The following METTL16 variants were observed in gnomAD, a reference collection of about 807,000 sequenced individuals.
The protein encoded by METTL16 is RNA N(6)-adenosine-methyltransferase METTL16.
In METTL16, 19 loss-of-function variants were observed where a neutral mutation model predicts 57.9. The ratio of observed to expected loss-of-function variants is 0.33; its 90% confidence interval spans 0.23 to 0.48. The LOEUF (loss-of-function observed/expected upper bound fraction) is 0.48. Ranked by LOEUF, METTL16 falls within the 20% of genes least tolerant of loss-of-function variation. METTL16 has a pLI of 0.99. For missense variants in METTL16, 434 were observed against 691.5 expected, an observed-to-expected ratio of 0.63 and a Z score of 4.18; for synonymous variants, 246 against 255.6, an observed-to-expected ratio of 0.96 and a Z score of 0.36.
At chr17:2,428,613 A>T (rs2066844072) in intron 8 of METTL16, among the ~76,000 whole-genome samples, 1 of 123,902 alleles carries the variant, frequency 8.1e-6, no homozygotes, top group African/African-American at 3.0e-5. Flanking sequence ...AAATTGTAAT[A>T]CAGCGGGGCA....
At chr17:2,487,003 C>CG (rs777261459) in intron 2 of METTL16, among the ~76,000 whole-genome samples, 9 of 57,426 alleles carry the variant, frequency 1.6e-4, no homozygotes, top group Non-Finnish European at 2.3e-4. Flanking sequence ...GATCCTGTCT[C>CG]AAAAAAAAAA....
chr17:2,445,761 G>C (rs2066990423), intron 6 of METTL16, among the ~76,000 whole-genome samples: 1 of 150,714 alleles, frequency 6.6e-6, no homozygotes, highest in Admixed American at 6.6e-5. Context: ...ACTCCAGCCT[G>C]GGCAACAGAG....
chr17:2,461,954 A>G (rs921745698), intron 6 of METTL16, among the ~76,000 whole-genome samples: 2 of 152,158 alleles, frequency 1.3e-5, no homozygotes, highest in African/African-American at 2.4e-5. Flanking sequence ...AATACCGTAT[A>G]GGAAAAAAAT....
intron 6 of METTL16, among the ~76,000 whole-genome samples, chr17:2,457,112 TCA>T (rs1292904800): frequency 6.7e-6 from 1 of 150,070 alleles, no homozygotes; most frequent in Non-Finnish European, 1.5e-5. Context: ...GGCGGGTGGA[TCA>T]CGAGGTCATG....
At chr17:2,438,501 TTTTTG>T (rs1157267370) in intron 7 of METTL16, among the ~76,000 whole-genome samples, 1 of 152,090 alleles carries the variant, frequency 6.6e-6, no homozygotes, top group Non-Finnish European at 1.5e-5. Flanking sequence ...CAAGTGAGTT[TTTTTG>T]TTTTTTGTTT....
chr17:2,440,366 A>G (rs1031584862), intron 7 of METTL16, among the ~76,000 whole-genome samples: 1 of 151,942 alleles, frequency 6.6e-6, no homozygotes, highest in Non-Finnish European at 1.5e-5. Context: ...CTCCTGCCTC[A>G]GCCTCCCCAG....
intron 2 of METTL16, among the ~76,000 whole-genome samples, chr17:2,500,425 C>G (rs2067478960): frequency 6.6e-6 from 1 of 152,024 alleles, no homozygotes; most frequent in African/African-American, 2.4e-5. Context: ...GGATTACAGG[C>G]TTGCGCCACC....
rs1159200087 is a variant in METTL16 at position 2,419,859 on chromosome 17, A to G, written c.*111T>C. On this transcript the variant is annotated 3_prime_UTR_variant, in exon 10 of 10. Coordinates refer to ENST00000263092, the MANE Select transcript of METTL16 (RefSeq NM_024086.4). ...GATTCATAGGTTTTTGTTTTCGAAGATAATTCCACATCGTGCTACTAATGG... is the reference window on the plus strand; with the variant it reads ...GATTCATAGGTTTTTGTTTTCGAAGGTAATTCCACATCGTGCTACTAATGG... 2.2e-6 allele frequency: 3 copies of G among 1,347,030 alleles called. No individual in the cohort carries two copies. The highest frequency in any genetic ancestry group is 2.9e-5 in the African/African-American group (2 of 68,884). The allele number at this position is 1,347,030 out of a possible 1,614,324, so 83.4% of individuals were successfully genotyped here. A position where few individuals can be genotyped will look rare whatever the true frequency, so the allele number is the denominator to read the frequency against.
chr17:2,484,746 G>T (rs901890274), intron 2 of METTL16, among the ~76,000 whole-genome samples: 1 of 151,996 alleles, frequency 6.6e-6, no homozygotes, highest in Admixed American at 6.6e-5. Flanking sequence ...TGCCTGCCTC[G>T]GCCTCCCAAA....
At chr17:2,480,763 C>CA (rs1243501323) in intron 2 of METTL16, among the ~76,000 whole-genome samples, 1 of 152,042 alleles carries the variant, frequency 6.6e-6, no homozygotes, top group Non-Finnish European at 1.5e-5. Context: ...GATTATAGAC[C>CA]ATAGAATAAA....
At chr17:2,461,305 G>A (rs1429700985) in intron 6 of METTL16, among the ~76,000 whole-genome samples, 1 of 152,230 alleles carries the variant, frequency 6.6e-6, no homozygotes, top group East Asian at 1.9e-4. Context: ...AGGCTGCAGT[G>A]AGCCAACATC....
chr17:2,432,263 A>G (rs1462981143), intron 8 of METTL16, among the ~76,000 whole-genome samples: 2 of 152,102 alleles, frequency 1.3e-5, no homozygotes, highest in Non-Finnish European at 1.5e-5. Context: ...ATGTGACTCA[A>G]TGTTAAATTA....
chr17:2,417,621 T>C lies in METTL16; in HGVS notation c.*2349A>G, dbSNP rs1190253878. 2 of 152,196 alleles carry C rather than the reference T, an allele frequency of 1.3e-5. No individual in the cohort carries two copies. Among genetic ancestry groups the C allele is most frequent in the Non-Finnish European group, 2.9e-5 (2 of 68,042 alleles). 9.4% of individuals were successfully genotyped at this position (152,196 alleles called of 1,614,324 possible). A position where few individuals can be genotyped will look rare whatever the true frequency, so the allele number is the denominator to read the frequency against. On this transcript the variant is annotated 3_prime_UTR_variant, in exon 10 of 10. Coordinates refer to ENST00000263092, the MANE Select transcript of METTL16 (RefSeq NM_024086.4). ...ACAACATGGACAAATACTTGTAAGA[T>C]GTTAAATGAACAAAGGACCAGAATA... is the stretch of plus-strand genomic sequence containing the variant.
At chr17:2,442,241 T>C (rs951249015) in intron 6 of METTL16, among the ~76,000 whole-genome samples, 1 of 152,148 alleles carries the variant, frequency 6.6e-6, no homozygotes, top group African/African-American at 2.4e-5. Context: ...ACATATAAAA[T>C]AGCTGTTTTT....
At chr17:2,493,891 G>A (rs2067420852) in intron 2 of METTL16, among the ~76,000 whole-genome samples, 1 of 152,050 alleles carries the variant, frequency 6.6e-6, no homozygotes, top group Admixed American at 6.6e-5. Context: ...ATGCGAGGTT[G>A]CAACTATAAA....
chr17:2,440,346 T>G (rs2066939432), intron 7 of METTL16, among the ~76,000 whole-genome samples: 2 of 152,016 alleles, frequency 1.3e-5, no homozygotes, highest in South Asian at 4.1e-4. Flanking sequence ...CCTCCCAGGT[T>G]CAAGAGATTC....
At chr17:2,415,973 ACAGT>A (rs1471423267), downstream of METTL16, 2 of 152,198 alleles carry the variant, frequency 1.3e-5, no homozygotes, top group Non-Finnish European at 2.9e-5. Flanking sequence ...AACAGAAAAA[ACAGT>A]CAGCTGGGAC....
At chr17:2,477,019 C>G (rs1042851908) in intron 3 of METTL16, among the ~76,000 whole-genome samples, 3 of 149,376 alleles carry the variant, frequency 2.0e-5, no homozygotes, top group African/African-American at 7.4e-5. Context: ...TAAAGCCCAA[C>G]AGACACAGAC....
At chr17:2,462,789 T>A (rs1026249519) in intron 6 of METTL16, among the ~76,000 whole-genome samples, 1 of 152,214 alleles carries the variant, frequency 6.6e-6, no homozygotes, top group South Asian at 2.1e-4. Context: ...TACAAATTAC[T>A]CAGTCTCAGG....
Sources: gnomAD v4.1 joint callset for allele counts (sites outside exome capture counted in the v4.1 genomes callset) on GRCh38, gnomAD v4.1.1 for gene constraint, MANE v1.5 for transcripts, NCBI Gene and HGNC (gene_info 2026-07-23, HGNC 2026-07-21) for gene names.